The following SPON1 variants were observed in gnomAD, a reference collection of about 807,000 sequenced individuals.
The protein encoded by SPON1 is spondin 1.
SPON1 carries 52 observed loss-of-function variants against 111.7 expected under a neutral mutation model. The ratio of observed to expected loss-of-function variants is 0.47; its 90% CI spans 0.37 to 0.59. SPON1 has a LOEUF of 0.59. Ranked by LOEUF, SPON1 falls within the 20% of genes least tolerant of loss-of-function variation. SPON1 has a pLI of 0.00. For synonymous variants in SPON1, 410 were observed against 395.8 expected (o/e 1.04, Z -0.43); for missense variants, 957 against 1,068.5 (o/e 0.90, Z 1.46).
chr11:13,974,695 A>G (rs1325688523), intron 1 of SPON1, among the ~76,000 whole-genome samples: 1 of 152,200 alleles, frequency 6.6e-6, no homozygotes. Flanking sequence ...CTGTAATTCA[A>G]TAATTACACA....
rs146968572 is a variant in SPON1, at chr11:14,117,970, C to A, written c.677-17450C>A. Among the ~76,000 whole-genome samples the A allele has an allele frequency of 2.0e-4, 30 of 152,210 alleles. No homozygotes were observed. The East Asian group carries it at 4.4e-3, about 23-fold the overall frequency. The stretch of plus-strand genomic sequence containing the variant: ...GGTACAGGCAGGTGCTCAGTAATTC[C>A]CATTTCTCACTACCTCTTCTCTTCT... On this transcript the variant is annotated intron_variant, in intron 5 of 15. Transcript: ENST00000576479.
intron 1 of SPON1, among the ~76,000 whole-genome samples, chr11:13,967,366 G>T (rs1405353589): frequency 6.6e-6 from 1 of 152,138 alleles, no homozygotes; most frequent in Non-Finnish European, 1.5e-5. Context: ...GTAATATAAA[G>T]TGATAAATCC....
chr11:13,965,204 A>C (rs1299665178), intron 1 of SPON1, among the ~76,000 whole-genome samples: 2 of 152,136 alleles, frequency 1.3e-5, no homozygotes, highest in Non-Finnish European at 2.9e-5. Flanking sequence ...CTCCAGTCCC[A>C]TTCATCTACC....
chr11:14,140,302 T>A (rs190218138), intron 6 of SPON1, among the ~76,000 whole-genome samples: 1 of 152,246 alleles, frequency 6.6e-6, no homozygotes, highest in African/African-American at 2.4e-5. Flanking sequence ...TTTCTCATAA[T>A]CTTAGAGACT....
chr11:14,073,830 A>C (rs1256287194), intron 3 of SPON1, among the ~76,000 whole-genome samples: 2 of 152,234 alleles, frequency 1.3e-5, no homozygotes, highest in East Asian at 3.8e-4. Context: ...GCCCCTAAGC[A>C]GACCCCCAAC....
In SPON1 at chr11:14,235,832, C is replaced by T. The variant is rs141973098; in HGVS notation, c.826-7500C>T. The stretch of plus-strand genomic sequence containing the variant: ...CCTGCCATGGACATCAAAGTCCTCA[C>T]TGAGAAGTTGACATTTGAGCAAAGA... On this transcript the variant is annotated intron_variant, in intron 6 of 15. Coordinates refer to ENST00000576479, the MANE Select transcript of SPON1 (RefSeq NM_006108.4). Among the ~76,000 whole-genome samples, 541 of 152,270 alleles carry T rather than the reference C, an allele frequency of 3.6e-3. 2 individuals are homozygous for T. The highest frequency in any genetic ancestry group is 0.013 in the African/African-American group (521 of 41,562).
chr11:14,183,761 G>A (rs1848258980), intron 6 of SPON1, among the ~76,000 whole-genome samples: 1 of 145,960 alleles, frequency 6.9e-6, no homozygotes, highest in Non-Finnish European at 1.5e-5. Context: ...TATGGAGTTG[G>A]GATTTAAACA....
chr11:14,160,887 T>TTA (rs1168721569), intron 6 of SPON1, among the ~76,000 whole-genome samples: 14 of 43,690 alleles, frequency 3.2e-4, no homozygotes, highest in African/African-American at 1.4e-3. Flanking sequence ...TTTTATATAT[T>TTA]TATATATATT....
intron 6 of SPON1, among the ~76,000 whole-genome samples, chr11:14,196,356 G>A (rs182640677): frequency 3.5e-4 from 54 of 152,268 alleles, no homozygotes; most frequent in Middle Eastern, 3.4e-3. Flanking sequence ...AGTATGGATG[G>A]GTGTTTTGGT....
intron 3 of SPON1, among the ~76,000 whole-genome samples, chr11:14,060,596 G>A (rs1279640577): frequency 6.6e-6 from 1 of 152,198 alleles, no homozygotes; most frequent in African/African-American, 2.4e-5. Context: ...CACCTGAGCA[G>A]CTTTTAAAAC....
At chr11:14,198,988 TTTTG>T (rs1848432536) in intron 6 of SPON1, among the ~76,000 whole-genome samples, 3 of 152,256 alleles carry the variant, frequency 2.0e-5, no homozygotes, top group Admixed American at 2.0e-4. Context: ...CTTGAGTTAG[TTTTG>T]TTCCTACCCT....
intron 5 of SPON1, among the ~76,000 whole-genome samples, chr11:14,088,224 G>T (rs1470985257): frequency 6.6e-6 from 1 of 152,136 alleles, no homozygotes; most frequent in African/African-American, 2.4e-5. Context: ...TCTTCATAGT[G>T]TCATTGATCT....
chr11:14,049,111 C>T (rs1848690111), intron 3 of SPON1, among the ~76,000 whole-genome samples: 2 of 152,258 alleles, frequency 1.3e-5, no homozygotes, highest in Non-Finnish European at 2.9e-5. Context: ...TTCCCAAGGT[C>T]ACAGAGTAAG....
At chr11:14,063,716 C>CA (rs1848809263) in intron 3 of SPON1, among the ~76,000 whole-genome samples, 1 of 152,202 alleles carries the variant, frequency 6.6e-6, no homozygotes, top group Admixed American at 6.5e-5. Context: ...GTGCAGTCAG[C>CA]AAGTGTCTTT....
intron 6 of SPON1, among the ~76,000 whole-genome samples, chr11:14,199,075 CT>C (rs1554935354): frequency 1.3e-5 from 2 of 152,074 alleles, no homozygotes; most frequent in South Asian, 2.1e-4. Flanking sequence ...AAGAGAGTCC[CT>C]TTGGTACAGA....
intron 2 of SPON1, among the ~76,000 whole-genome samples, chr11:13,993,953 TCAAAA>T (rs1848251646): frequency 2.0e-5 from 3 of 152,212 alleles, no homozygotes; most frequent in East Asian, 1.9e-4. Context: ...GAAAAAAGTC[TCAAAA>T]CAAAAGGATA....
intron 1 of SPON1, among the ~76,000 whole-genome samples, chr11:13,968,636 A>G (rs538946909): frequency 6.6e-6 from 1 of 152,302 alleles, no homozygotes; most frequent in South Asian, 2.1e-4. Flanking sequence ...GCTTATTTCT[A>G]CTAAACAGCA....
chr11:14,003,531 G>A (rs781904802), intron 2 of SPON1, among the ~76,000 whole-genome samples: 2 of 152,108 alleles, frequency 1.3e-5, no homozygotes, highest in Non-Finnish European at 2.9e-5. Flanking sequence ...GCCCCAGTTT[G>A]GGATTAAGCC....
chr11:14,018,305 GT>G (rs1848457457), intron 2 of SPON1, among the ~76,000 whole-genome samples: 1 of 152,204 alleles, frequency 6.6e-6, no homozygotes, highest in South Asian at 2.1e-4. Flanking sequence ...GATCTACTCT[GT>G]CATAACTATC....
Sources: allele counts gnomAD v4.1 joint callset (sites outside exome capture counted in the v4.1 genomes callset), GRCh38; gene constraint gnomAD v4.1.1; transcripts MANE v1.5; gene names NCBI Gene and HGNC (gene_info 2026-07-23, HGNC 2026-07-21).